The following PSG11 variants were observed in gnomAD, a reference collection of about 807,000 sequenced individuals.
PSG11 encodes pregnancy specific beta-1-glycoprotein 11.
A neutral mutation model predicts 36.0 loss-of-function variants in PSG11; 42 were observed. The observed-to-expected ratio is 1.17, with a 90% CI of 0.91 to 1.51. PSG11 has a LOEUF of 1.51. Among genes scored for constraint, PSG11 ranks in the 40% most tolerant of loss-of-function variants. The probability of loss-of-function intolerance (pLI) is 0.00; values close to 1 mark genes in which losing one functional copy is unlikely to be tolerated. For missense variants in PSG11, 558 were observed against 403.5 expected, an observed-to-expected ratio of 1.38 and a Z score of -3.28; for synonymous variants, 206 against 153.5, an observed-to-expected ratio of 1.34 and a Z score of -2.53.
chr19:43,010,295 A>T (rs1974041063), intron 4 of PSG11: 2 of 1,487,364 alleles, frequency 1.3e-6, no homozygotes, highest in Non-Finnish European at 1.8e-6. Context: ...TTCAGACGTG[A>T]GAAAGGCTGA....
intron 1 of PSG11, 131 bp downstream of exon 1, chr19:43,026,178 T>G: frequency 7.2e-7 from 1 of 1,397,140 alleles, no homozygotes. Flanking sequence ...CCTGATCTCG[T>G]GATCCACCCA....
rs1379239919 is a variant in PSG11 at position 43,015,823 on chromosome 19, T to A, written c.710-453A>T. The A allele has an allele frequency of 1.9e-6, 3 of 1,610,146 alleles. No individual in the cohort carries two copies. The Admixed American group carries it at 5.0e-5, about 27-fold the overall frequency. ...GATGCCACCATATCGGTCCCGTATT[T>A]CACATTGATAGGGTCCTGTTTCATT... On this transcript the variant is annotated intron_variant, in intron 3 of 5. Coordinates refer to ENST00000320078, the MANE Select transcript of PSG11 (RefSeq NM_002785.3).
chr19:43,015,339 T>G lies in PSG11; in HGVS notation c.741A>C (p.Ser247=), dbSNP rs776215163. 1 of 1,610,594 alleles carries G rather than the reference T, an allele frequency of 6.2e-7. No individual in the cohort carries two copies. Among genetic ancestry groups the G allele is most frequent in the African/African-American group, 1.3e-5 (1 of 74,472 alleles). The part of the protein sequence containing the change: ...HGPDLPRIFP[S]VTSYYSGENL... ...TCTCTCCTGAATAGTAAGAGGTGAC[T>G]GAAGGGAAAATTCTGGGGAGGTCTG... Residue 247 remains serine, a synonymous_variant, in exon 4 of 6, where the codon TCA becomes TCC. Coordinates refer to ENST00000320078, the MANE Select transcript of PSG11 (RefSeq NM_002785.3).
At chr19:43,009,318 G>T (rs1320799162) in intron 5 of PSG11, among the ~76,000 whole-genome samples, 7 of 151,428 alleles carry the variant, frequency 4.6e-5, no homozygotes, top group Middle Eastern at 3.4e-3. Flanking sequence ...TGCAGATGGT[G>T]GAAGGGATTT....
At chr19:43,026,238 C>T (rs2736151) in intron 1 of PSG11, 71 bp downstream of exon 1, 782,119 of 1,591,472 alleles carry the variant, frequency 0.49, 210,400 homozygotes, top group East Asian at 1. Flanking sequence ...ACCCCAGGAG[C>T]CTCTCCAGGA....
chr19:43,024,582 C>A, intron 2 of PSG11, 109 bp downstream of exon 2: 1 of 1,580,158 alleles, frequency 6.3e-7, no homozygotes, highest in Middle Eastern at 1.7e-4. Context: ...CAGCATGGGA[C>A]ATAATGCAGA....
At chr19:43,025,967 A>G (rs1599684833) in intron 1 of PSG11, among the ~76,000 whole-genome samples, 2 of 84,442 alleles carry the variant, frequency 2.4e-5, no homozygotes, top group Admixed American at 1.9e-4. Flanking sequence ...TTTGAGATGG[A>G]GTCTCGTACT....
chr19:43,019,260 T>C, intron 2 of PSG11: 2 of 1,110,116 alleles, frequency 1.8e-6, no homozygotes, highest in East Asian at 2.7e-5. Context: ...GCACAGACTT[T>C]CTCAGGTGTG....
rs1058085 is a variant in PSG11 at position 43,018,953 on chromosome 19, C to T, written c.526G>A (p.Ala176Thr). The T allele has an allele frequency of 7.3e-5, 117 of 1,612,088 alleles. 2 individuals are homozygous for T. The highest frequency in any genetic ancestry group is 8.7e-5 in the Non-Finnish European group (102 of 1,179,142). The change falls in exon 3 of 6, where the codon GCA becomes ACA. Residue 176 changes from alanine to threonine, a missense_variant. Physicochemically the swap from Ala to Thr is moderately conservative, Grantham distance 58. Coordinates refer to ENST00000320078, the MANE Select transcript of PSG11 (RefSeq NM_002785.3). Reference sequence around the variant, plus strand: ...CCATTCATCCACCACAGGTAGCTTGCGTCCGGAGTCTCAGGATTACAGGTT... The same window carrying T: ...CCATTCATCCACCACAGGTAGCTTGTGTCCGGAGTCTCAGGATTACAGGTT... Reference protein sequence around the residue: ...ILTCNPETPDASYLWWMNGQS... With the variant: ...ILTCNPETPDTSYLWWMNGQS...
rs774951604 is a variant in PSG11, at chr19:43,024,704, G to A, written c.417C>T (p.Thr139=). The A allele has an allele frequency of 3.1e-6, 5 of 1,610,650 alleles. No homozygotes were observed. Among genetic ancestry groups the A allele is most frequent in the South Asian group, 2.2e-5 (2 of 90,592 alleles). The change falls in exon 2 of 6, where the codon ACC becomes ACT. Residue 139 remains threonine, a synonymous_variant. Transcript: ENST00000320078. ...GGAATCACTTACGGTATAAGGTGAA[G>A]GTGAAATATCCAGTTACTCCTCTAG... ...DGTRGVTGYF[T]FTLYLETPKP...
intron 2 of PSG11, among the ~76,000 whole-genome samples, chr19:43,021,263 A>C (rs1967094967): frequency 6.6e-6 from 1 of 151,276 alleles, no homozygotes; most frequent in Non-Finnish European, 1.5e-5. Context: ...CAGTTTTGGA[A>C]ATTTCTATTG....
In PSG11 at chr19:43,010,913, A is replaced by G. The variant is rs992267428; in HGVS notation, c.965-872T>C. Among the ~76,000 whole-genome samples the G allele has an allele frequency of 5.5e-4, 79 of 144,690 alleles. 2 individuals carry two copies. Among genetic ancestry groups the G allele is most frequent in the Middle Eastern group, 3.6e-3 (1 of 276 alleles). 94.9% of individuals were successfully genotyped at this position (144,690 alleles called of 152,430 possible). Reference sequence around the variant, plus strand: ...TCCATATATATATATATATATATATATGGAAAAAGGAAGGTACTGTTGAGG... The same window carrying G: ...TCCATATATATATATATATATATATGTGGAAAAAGGAAGGTACTGTTGAGG... On this transcript the variant is annotated intron_variant, in intron 4 of 5. Coordinates refer to ENST00000320078, the MANE Select transcript of PSG11 (RefSeq NM_002785.3).
chr19:43,012,092 T>A (rs1974091814), intron 4 of PSG11, among the ~76,000 whole-genome samples: 1 of 151,136 alleles, frequency 6.6e-6, no homozygotes, highest in African/African-American at 2.4e-5. Flanking sequence ...ATAAAAGCAT[T>A]TGATGAAATT....
At chr19:43,013,875 C>T (rs112887272) in intron 4 of PSG11, among the ~76,000 whole-genome samples, 3 of 151,332 alleles carry the variant, frequency 2.0e-5, no homozygotes, top group African/African-American at 7.3e-5. Context: ...ACTGAAAAGT[C>T]CATTGAAAGA....
At chr19:43,014,110 G>A (rs1414359087) in intron 4 of PSG11, 2 of 154,834 alleles carry the variant, frequency 1.3e-5, no homozygotes, top group East Asian at 3.9e-4. Flanking sequence ...TAAGTGTTAG[G>A]GGGAGAAGGA....
chr19:43,026,003 A>G (rs1237849252), intron 1 of PSG11, among the ~76,000 whole-genome samples: 4 of 122,830 alleles, frequency 3.3e-5, no homozygotes, highest in Admixed American at 1.1e-4. Context: ...GTGCAGTGGC[A>G]CTATCTCAGC....
At position 43,014,616 on chromosome 19, in the gene PSG11, T is replaced by C. The variant is rs1966911541; in HGVS notation, c.964+500A>G. 2.9e-6 allele frequency: 3 copies of C among 1,049,750 alleles called. 1 individual carries two copies. The highest frequency in any genetic ancestry group is 3.4e-6 in the Non-Finnish European group (3 of 869,672). The allele number at this position is 1,049,750 out of a possible 1,614,324, so 65.0% of individuals were successfully genotyped here. A position where few individuals can be genotyped will look rare whatever the true frequency, so the allele number is the denominator to read the frequency against. The stretch of plus-strand genomic sequence containing the variant: ...CCCAGGTTGAGTGAGGCAGGGCCAG[T>C]CACCAGAGGAGCCCGGAGCAGAGCA... On this transcript the variant is annotated intron_variant, in intron 4 of 5. Transcript: ENST00000320078.
rs763879479 is a variant in PSG11, at chr19:43,018,864, A to C, written c.615T>G (p.Phe205Leu). The change falls in exon 3 of 6, where the codon TTT (phenylalanine) becomes TTG (leucine). Residue 205 changes from phenylalanine to leucine, a missense_variant. Physicochemically the swap from Phe to Leu is conservative, Grantham distance 22. Coordinates refer to ENST00000320078, the MANE Select transcript of PSG11 (RefSeq NM_002785.3). The part of the protein sequence containing the change: ...LSETNRTLFL[F>L]GVTKYTAGPY... ...GTCCTGCAGTATACTTTGTGACACCAAATAGAAAGAGGGTCCTGTTGGTTT... is the reference window on the plus strand; with the variant it reads ...GTCCTGCAGTATACTTTGTGACACCCAATAGAAAGAGGGTCCTGTTGGTTT... 2.5e-6 allele frequency: 4 copies of C among 1,611,930 alleles called. No individual in the cohort carries two copies. The highest frequency in any genetic ancestry group is 1.3e-5 in the African/African-American group (1 of 74,392).
intron 2 of PSG11, chr19:43,019,771 C>G (rs1055158433): frequency 6.6e-6 from 1 of 151,932 alleles, no homozygotes; most frequent in African/African-American, 2.4e-5. Flanking sequence ...ACCATGTTCC[C>G]TGTTGTGGGT....
Sources: allele counts gnomAD v4.1 joint callset (sites outside exome capture counted in the v4.1 genomes callset), GRCh38; gene constraint gnomAD v4.1.1; transcripts MANE v1.5; gene names NCBI Gene and HGNC (gene_info 2026-07-23, HGNC 2026-07-21).